OTUD7B: variants seen among roughly 807,000 people sequenced by gnomAD.
OTUD7B encodes the protein OTU deubiquitinase 7B.
Under a neutral mutation model 82.2 loss-of-function variants are expected in OTUD7B, and 34 were observed. The observed-to-expected ratio is 0.41, with a 90% CI of 0.31 to 0.55. The LOEUF (loss-of-function observed/expected upper bound fraction) is 0.55, where lower values mean the gene tolerates loss of function less well. Ranked by LOEUF, OTUD7B falls within the 20% of genes least tolerant of loss-of-function variation. The pLI is 0.20. For synonymous variants in OTUD7B, 398 were observed against 402.7 expected (o/e 0.99, Z 0.14); for missense variants, 944 against 1,062.1 (o/e 0.89, Z 1.55).
the OTUD7B span, among the ~76,000 whole-genome samples, chr1:150,040,074 C>T: frequency 3.5e-3 from 539 of 152,288 alleles, 1 homozygote; most frequent in Non-Finnish European, 5.5e-3. Context: ...AGCCTTCTAA[C>T]GTTTCATAAT....
At chr1:150,044,151 T>C in the OTUD7B span, among the ~76,000 whole-genome samples, 1 of 151,978 alleles carries the variant, frequency 6.6e-6, no homozygotes, top group African/African-American at 2.4e-5. Context: ...CTGGTCTGAG[T>C]AAATAAAATC....
At chr1:150,050,577 AG>A in the OTUD7B span, 1 of 152,228 alleles carries the variant, frequency 6.6e-6, no homozygotes, top group Admixed American at 6.5e-5. Context: ...ACTTTTATCT[AG>A]TCTTTAAGAA....
At chr1:149,963,923 G>C (rs1481948727) in intron 6 of OTUD7B, 3 of 274,212 alleles carry the variant, frequency 1.1e-5, no homozygotes, top group Non-Finnish European at 2.1e-5. Context: ...AAAATCCTAT[G>C]GAATTGTCAT....
At chr1:149,964,749 A>G (rs936660102) in intron 5 of OTUD7B, among the ~76,000 whole-genome samples, 1 of 149,464 alleles carries the variant, frequency 6.7e-6, no homozygotes, top group African/African-American at 2.5e-5. Flanking sequence ...GTCCACCACC[A>G]TATCAGGCTA....
At chr1:149,992,626 C>T (rs938471733) in intron 1 of OTUD7B, among the ~76,000 whole-genome samples, 2 of 151,772 alleles carry the variant, frequency 1.3e-5, no homozygotes, top group African/African-American at 2.4e-5. Flanking sequence ...TAGGTGTGCA[C>T]CACCACACCT....
chr1:150,058,532 TGAAAAA>T, the OTUD7B span, among the ~76,000 whole-genome samples: 3 of 151,958 alleles, frequency 2.0e-5, no homozygotes, highest in Non-Finnish European at 4.4e-5. Context: ...GACCCTGTCT[TGAAAAA>T]TAAAAATAAG....
the OTUD7B span, chr1:150,047,842 C>A: frequency 6.6e-6 from 1 of 152,054 alleles, no homozygotes; most frequent in Admixed American, 6.6e-5. Flanking sequence ...GTCCCAGCTA[C>A]TCGGGAGGCT....
rs1649588238 is a variant in OTUD7B, at chr1:149,967,366, T to C, written c.430A>G (p.Asn144Asp). The stretch of plus-strand genomic sequence containing the variant: ...TCTATGAAGCTGCGGAAGTCTTCAT[T>C]GTATACAGTGAGATCTGGAAGCTGG... The part of the protein sequence containing the change: ...AFQLPDLTVY[N>D]EDFRSFIERD... The change falls in exon 4 of 12, where the codon AAT becomes GAT. Residue 144 changes from asparagine to aspartate, a missense_variant. Physicochemically the swap from Asn to Asp is conservative, Grantham distance 23. Transcript: ENST00000581312. 2 of 1,614,118 alleles carry C rather than the reference T, an allele frequency of 1.2e-6. No homozygotes were observed. Among genetic ancestry groups the C allele is most frequent in the Non-Finnish European group, 1.7e-6 (2 of 1,180,012 alleles).
chr1:150,051,901 C>T, the OTUD7B span, among the ~76,000 whole-genome samples: 2 of 152,144 alleles, frequency 1.3e-5, no homozygotes, highest in Non-Finnish European at 2.9e-5. Context: ...AAACAGTGAT[C>T]TTGATTAAAT....
upstream of OTUD7B, among the ~76,000 whole-genome samples, chr1:150,011,548 A>G (rs1351309587): frequency 2.6e-5 from 4 of 152,244 alleles, no homozygotes; most frequent in Non-Finnish European, 2.9e-5. Flanking sequence ...TATGGCTATG[A>G]GAACATAATA....
intron 7 of OTUD7B, 52 bp downstream of exon 7, chr1:149,959,632 C>A (rs1026610474): frequency 1.2e-5 from 13 of 1,086,780 alleles, no homozygotes; most frequent in Non-Finnish European, 1.9e-5. Context: ...GCTGTGGAAG[C>A]CCAGTGAGGA....
At chr1:150,055,319 T>C in the OTUD7B span, among the ~76,000 whole-genome samples, 2 of 152,086 alleles carry the variant, frequency 1.3e-5, no homozygotes, top group African/African-American at 2.4e-5. Context: ...ATTACAGGCG[T>C]GAGCCACTGC....
chr1:149,990,098 A>T (rs587666290), intron 1 of OTUD7B, among the ~76,000 whole-genome samples: 1 of 152,352 alleles, frequency 6.6e-6, no homozygotes, highest in South Asian at 2.1e-4. Flanking sequence ...GCCTGGAGAT[A>T]TCCCAGTCTT....
intron 6 of OTUD7B, chr1:149,961,775 A>C (rs1553775678): frequency 2.6e-5 from 4 of 152,218 alleles, no homozygotes; most frequent in African/African-American, 7.2e-5. Flanking sequence ...AATACACCCA[A>C]GGTCTATTTT....
At chr1:149,968,156 C>CG (rs1553777016) in intron 3 of OTUD7B, among the ~76,000 whole-genome samples, 2 of 149,382 alleles carry the variant, frequency 1.3e-5, no homozygotes, top group Non-Finnish European at 3.0e-5. Flanking sequence ...CCCAGCTACT[C>CG]GGGAGGCTGA....
At chr1:149,997,737 C>A (rs1222383636) in intron 1 of OTUD7B, among the ~76,000 whole-genome samples, 3 of 152,124 alleles carry the variant, frequency 2.0e-5, no homozygotes, top group South Asian at 4.1e-4. Flanking sequence ...TAAGGAAAAC[C>A]CATACGGAAC....
chr1:149,938,460 CAAAAAAAA>C lies in OTUD7B; in HGVS notation c.*5389_*5396del, dbSNP rs1317653117. 3.1e-3 allele frequency: 4 copies of C among 1,276 alleles called. No homozygotes were observed. Among genetic ancestry groups the C allele is most frequent in the African/African-American group, 5.2e-3 (1 of 194 alleles). The allele number at this position is 1,276 out of a possible 1,614,324, so 0.1% of individuals were successfully genotyped here. A position where few individuals can be genotyped will look rare whatever the true frequency, so the allele number is the denominator to read the frequency against. ...TGGGCAACAGAGCAAGACTCCATCG[CAAAAAAAA>C]AAAAAAAAAAAAAGACATAGGAAGA... On this transcript the variant is annotated 3_prime_UTR_variant, in exon 12 of 12. Transcript: ENST00000581312.
the OTUD7B span, among the ~76,000 whole-genome samples, chr1:150,053,023 A>G: frequency 6.6e-6 from 1 of 152,154 alleles, no homozygotes; most frequent in Admixed American, 6.6e-5. Context: ...TTTACACCAT[A>G]TACAAAAATC....
chr1:149,995,930 A>C (rs1366487510), intron 1 of OTUD7B, among the ~76,000 whole-genome samples: 1 of 152,144 alleles, frequency 6.6e-6, no homozygotes, highest in Non-Finnish European at 1.5e-5. Context: ...ATTGTTTCCA[A>C]CCTCAAAACT....
Sources: allele counts gnomAD v4.1 joint callset (sites outside exome capture counted in the v4.1 genomes callset), GRCh38; gene constraint gnomAD v4.1.1; transcripts MANE v1.5; gene names NCBI Gene and HGNC (gene_info 2026-07-23, HGNC 2026-07-21).